Variants in CREM observed in about 807,000 individuals in gnomAD.
The protein encoded by CREM is cAMP-responsive element modulator.
Under a neutral mutation model 37.3 loss-of-function variants are expected in CREM, and 13 were observed. The observed-to-expected ratio is 0.35, with a 90% CI of 0.23 to 0.55. CREM has a LOEUF of 0.55. Ranked by LOEUF, CREM falls within the 20% of genes least tolerant of loss-of-function variation. The pLI is 0.88. For synonymous variants in CREM, 124 were observed against 120.2 expected, an observed-to-expected ratio of 1.03 and a Z score of -0.21; for missense variants, 296 against 362.3, an observed-to-expected ratio of 0.82 and a Z score of 1.49.
chr10:35,157,405 C>A (rs909367028), intron 3 of CREM, among the ~76,000 whole-genome samples: 1 of 151,908 alleles, frequency 6.6e-6, no homozygotes, highest in Non-Finnish European at 1.5e-5. Context: ...TTGAGGCAGG[C>A]GGATCGCTGG....
At chr10:35,191,530 T>C (rs1590271969) in intron 6 of CREM, among the ~76,000 whole-genome samples, 1 of 152,174 alleles carries the variant, frequency 6.6e-6, no homozygotes, top group Admixed American at 6.5e-5. Flanking sequence ...TTAGTGGCAG[T>C]GTTCCCTGCC....
chr10:35,161,961 G>T (rs2093320965), intron 3 of CREM, among the ~76,000 whole-genome samples: 1 of 152,182 alleles, frequency 6.6e-6, no homozygotes, highest in Non-Finnish European at 1.5e-5. Flanking sequence ...GTGTGGAAGA[G>T]ATATCTGCAC....
intron 3 of CREM, chr10:35,167,380 G>A (rs1473455132): frequency 4.4e-6 from 1 of 226,684 alleles, no homozygotes; most frequent in Admixed American, 5.4e-5. Flanking sequence ...AAACTAGGTA[G>A]TACAGAGATT....
intron 2 of CREM, among the ~76,000 whole-genome samples, chr10:35,138,316 C>CAGAA (rs754912272): frequency 2.0e-5 from 3 of 152,140 alleles, no homozygotes; most frequent in Non-Finnish European, 4.4e-5. Context: ...CTTTCAGAGA[C>CAGAA]ATTCTGTTTC....
At chr10:35,187,179 A>ATATATATTATATATAT (rs1564923058) in intron 5 of CREM, among the ~76,000 whole-genome samples, 85 of 45,966 alleles carry the variant, frequency 1.8e-3, no homozygotes, top group South Asian at 0.01. Context: ...ATTAATATTA[A>ATATATATTATATATAT]TATATAAATA....
chr10:35,183,891 A>G (rs191175399), intron 5 of CREM, among the ~76,000 whole-genome samples: 82 of 152,336 alleles, frequency 5.4e-4, no homozygotes, highest in East Asian at 3.9e-3. Context: ...CCTGGCCAAC[A>G]TGGTGAAACC....
intron 1 of CREM, among the ~76,000 whole-genome samples, chr10:35,128,796 A>T (rs1223097437): frequency 6.6e-6 from 1 of 152,102 alleles, no homozygotes; most frequent in Non-Finnish European, 1.5e-5. Flanking sequence ...AAGTGCTGGG[A>T]TTACAGGCAT....
chr10:35,185,908 G>A (rs2094537884), intron 5 of CREM, among the ~76,000 whole-genome samples: 1 of 152,128 alleles, frequency 6.6e-6, no homozygotes, highest in Non-Finnish European at 1.5e-5. Flanking sequence ...TGGCACCTTA[G>A]GTGAAAGAAG....
chr10:35,147,053 T>G (rs2092204065), intron 2 of CREM, among the ~76,000 whole-genome samples: 1 of 72,392 alleles, frequency 1.4e-5, no homozygotes, highest in Non-Finnish European at 3.6e-5. Flanking sequence ...TTTTTTTTTT[T>G]TTTTTTTTTT....
chr10:35,164,913 T>A (rs1473412843), intron 3 of CREM, among the ~76,000 whole-genome samples: 1 of 151,946 alleles, frequency 6.6e-6, no homozygotes, highest in Non-Finnish European at 1.5e-5. Flanking sequence ...CAGCTGGGCA[T>A]GGTGGCAGGC....
At chr10:35,167,631 T>C (rs1459098737) in intron 3 of CREM, 2 of 1,208,420 alleles carry the variant, frequency 1.7e-6, no homozygotes, top group Non-Finnish European at 2.4e-6. Context: ...ACTATTAGGG[T>C]TTTTTTTAAT....
chr10:35,183,425 A>T (rs1388266449), intron 5 of CREM, among the ~76,000 whole-genome samples: 1 of 152,176 alleles, frequency 6.6e-6, no homozygotes, highest in African/African-American at 2.4e-5. Context: ...CGTTGTTTAC[A>T]TTTCTCTAAG....
intron 7 of CREM, chr10:35,209,196 C>A: frequency 3.7e-6 from 2 of 538,732 alleles, no homozygotes; most frequent in Non-Finnish European, 4.7e-6. Context: ...AGGCTTTAGT[C>A]ATTCACAGAT....
chr10:35,148,547 T>C, intron 3 of CREM, 56 bp downstream of exon 3: 1 of 1,550,320 alleles, frequency 6.5e-7, no homozygotes, highest in Non-Finnish European at 8.7e-7. Context: ...GAGAATTAGG[T>C]GCAGATTCTG....
intron 6 of CREM, among the ~76,000 whole-genome samples, chr10:35,191,594 C>T (rs956360369): frequency 2.6e-5 from 4 of 152,154 alleles, no homozygotes; most frequent in African/African-American, 9.7e-5. Context: ...TGTGGATTCT[C>T]AGTGCCTGTC....
intron 2 of CREM, among the ~76,000 whole-genome samples, chr10:35,138,085 C>T (rs1358278936): frequency 6.6e-6 from 1 of 152,186 alleles, no homozygotes; most frequent in Non-Finnish European, 1.5e-5. Flanking sequence ...GTCGGTATGT[C>T]AGTTGACTTA....
chr10:35,170,691 G>C (rs2093770101), intron 3 of CREM, among the ~76,000 whole-genome samples: 1 of 152,142 alleles, frequency 6.6e-6, no homozygotes. Context: ...TTTGCATAGA[G>C]GTGTTTATAG....
At chr10:35,159,827 G>T (rs2093175851) in intron 3 of CREM, among the ~76,000 whole-genome samples, 1 of 152,114 alleles carries the variant, frequency 6.6e-6, no homozygotes, top group South Asian at 2.1e-4. Flanking sequence ...TCTGATAAGG[G>T]GTTAATATCC....
At chr10:35,191,607 G>A (rs1410823479) in intron 6 of CREM, among the ~76,000 whole-genome samples, 1 of 152,002 alleles carries the variant, frequency 6.6e-6, no homozygotes, top group Non-Finnish European at 1.5e-5. Flanking sequence ...TGCCTGTCTT[G>A]GCTGATGCCT....
Sources: allele counts gnomAD v4.1 joint callset (sites outside exome capture counted in the v4.1 genomes callset), GRCh38; gene constraint gnomAD v4.1.1; transcripts MANE v1.5; gene names NCBI Gene and HGNC (gene_info 2026-07-23, HGNC 2026-07-21).